BCAS4: variants seen among roughly 807,000 people sequenced by gnomAD.
BCAS4 encodes breast carcinoma-amplified sequence 4.
In BCAS4, 9 loss-of-function variants were observed where a neutral mutation model predicts 15.7. That is an observed-to-expected ratio of 0.57 (90% CI 0.34 to 1.00). BCAS4 has a LOEUF of 1.00. Ranked by LOEUF, BCAS4 falls within the 50% of genes least tolerant of loss-of-function variation. The pLI is 0.02. For missense variants in BCAS4, 225 were observed against 239.1 expected (o/e 0.94, Z 0.39); for synonymous variants, 101 against 99.5 (o/e 1.02, Z -0.09).
intron 1 of BCAS4, among the ~76,000 whole-genome samples, chr20:50,811,394 G>A (rs879352229): frequency 6.6e-6 from 1 of 152,090 alleles, no homozygotes; most frequent in Non-Finnish European, 1.5e-5. Flanking sequence ...TATAATTCAT[G>A]TATAAATGTA....
intron 4 of BCAS4, among the ~76,000 whole-genome samples, chr20:50,842,356 ATC>A (rs1234266007): frequency 6.6e-6 from 1 of 152,106 alleles, no homozygotes; most frequent in African/African-American, 2.4e-5. Context: ...TCTCTTCCTC[ATC>A]TCTCCTCTGT....
intron 4 of BCAS4, among the ~76,000 whole-genome samples, chr20:50,845,182 C>T (rs1481193868): frequency 2.0e-5 from 3 of 152,098 alleles, no homozygotes; most frequent in African/African-American, 7.2e-5. Context: ...CTTGCCCACC[C>T]AGAAAATGGT....
Position 50,876,650 on chromosome 20 carries a change from G to A in BCAS4, c.*42G>A, listed in dbSNP as rs1183022047. The A allele has an allele frequency of 1.3e-6, 2 of 1,595,076 alleles. No individual in the cohort carries two copies. The highest frequency in any genetic ancestry group is 2.7e-5 in the African/African-American group (2 of 73,976). ...ATCAGGAACGCTGGAAAGTGACATT[G>A]TGTACACACTGCAGCTTGGGGGTTT... On this transcript the variant is annotated 3_prime_UTR_variant, in exon 5 of 5. Transcript: ENST00000371608.
At chr20:50,877,231 CA>C (rs1399128207), downstream of BCAS4, 3 of 152,310 alleles carry the variant, frequency 2.0e-5, no homozygotes, top group African/African-American at 7.2e-5. Flanking sequence ...TTCACCTGTG[CA>C]GTGTTTTCTA....
At chr20:50,865,778 C>T (rs1015703385) in intron 4 of BCAS4, among the ~76,000 whole-genome samples, 5 of 152,152 alleles carry the variant, frequency 3.3e-5, no homozygotes, top group East Asian at 1.9e-4. Flanking sequence ...GGGAAGGGGC[C>T]GGTGCCCACA....
Position 50,795,153 on chromosome 20 carries a change from AC to A in BCAS4, c.75del (p.Glu26SerfsTer29). 3.4e-6 allele frequency: 5 copies of A among 1,462,062 alleles called. No homozygotes were observed. The highest frequency in any genetic ancestry group is 1.3e-5 in the South Asian group (1 of 75,946). The allele number at this position is 1,462,062 out of a possible 1,614,324, so 90.6% of individuals were successfully genotyped here. A position where few individuals can be genotyped will look rare whatever the true frequency, so the allele number is the denominator to read the frequency against. On this transcript the variant is annotated frameshift_variant, in exon 1 of 5. Coordinates refer to ENST00000371608, the MANE Select transcript of BCAS4 (RefSeq NM_198799.4). LOFTEE classifies it high-confidence loss of function. Reference protein sequence around the residue: ...SGARELALFLTPEPGAEAKEV... With the variant: ...SGARELALFLXPEPGAEAKEV... ...GGCGCGCGAGCTCGCGCTCTTCCTG[AC>A]CCCCGAGCCTGGGGCCGAGGTAGGG...
intron 2 of BCAS4, among the ~76,000 whole-genome samples, chr20:50,827,974 C>G (rs2088299263): frequency 6.6e-6 from 1 of 152,140 alleles, no homozygotes; most frequent in Non-Finnish European, 1.5e-5. Context: ...GTGATCTGCC[C>G]ACCTTGGCCT....
chr20:50,818,367 T>A (rs529702669), intron 2 of BCAS4, 85 bp downstream of exon 2: 1 of 1,391,990 alleles, frequency 7.2e-7, no homozygotes, highest in Non-Finnish European at 9.9e-7. Context: ...GCCATTTTGG[T>A]GGTGAGTTAG....
chr20:50,845,469 GTC>G (rs902344985), intron 4 of BCAS4, among the ~76,000 whole-genome samples: 9 of 152,090 alleles, frequency 5.9e-5, no homozygotes, highest in African/African-American at 2.2e-4. Flanking sequence ...TGACATTCCA[GTC>G]TCCACCAAGG....
intron 4 of BCAS4, among the ~76,000 whole-genome samples, chr20:50,844,143 G>T (rs1409514410): frequency 6.6e-6 from 1 of 151,494 alleles, no homozygotes; most frequent in Admixed American, 6.6e-5. Flanking sequence ...GTGAGGCCCT[G>T]TCTCACAAAA....
At chr20:50,861,471 T>G (rs182157994) in intron 4 of BCAS4, among the ~76,000 whole-genome samples, 1 of 152,354 alleles carries the variant, frequency 6.6e-6, no homozygotes, top group East Asian at 1.9e-4. Context: ...GTGCGGTGTT[T>G]CCCTGAAGGC....
intron 2 of BCAS4, among the ~76,000 whole-genome samples, chr20:50,826,096 G>A (rs865879024): frequency 1.3e-5 from 2 of 152,210 alleles, no homozygotes; most frequent in South Asian, 2.1e-4. Flanking sequence ...AGAAGGATAC[G>A]ATTCAAGTTT....
chr20:50,863,485 T>C (rs1234823659), intron 4 of BCAS4, among the ~76,000 whole-genome samples: 1 of 152,122 alleles, frequency 6.6e-6, no homozygotes, highest in East Asian at 1.9e-4. Flanking sequence ...CTTGAACTCC[T>C]GACCTCAAGC....
At chr20:50,875,023 A>G (rs907780869) in intron 4 of BCAS4, among the ~76,000 whole-genome samples, 4 of 152,166 alleles carry the variant, frequency 2.6e-5, no homozygotes, top group African/African-American at 9.6e-5. Context: ...AACCAGGAGC[A>G]GTAGCCCGGG....
At chr20:50,837,436 T>G (rs1198849958) in intron 3 of BCAS4, among the ~76,000 whole-genome samples, 2 of 152,206 alleles carry the variant, frequency 1.3e-5, no homozygotes, top group African/African-American at 2.4e-5. Context: ...GGGGAAAATG[T>G]GTTCAAATTC....
chr20:50,836,182 G>A (rs1294644359), intron 3 of BCAS4, among the ~76,000 whole-genome samples: 1 of 152,054 alleles, frequency 6.6e-6, no homozygotes, highest in African/African-American at 2.4e-5. Context: ...TCCCAAAGTG[G>A]TGGGATTACC....
intron 4 of BCAS4, among the ~76,000 whole-genome samples, chr20:50,847,810 A>G (rs1442119975): frequency 2.0e-5 from 3 of 152,142 alleles, no homozygotes; most frequent in Non-Finnish European, 4.4e-5. Context: ...TGGGAGGCCT[A>G]GGTGGGTGGG....
At chr20:50,807,296 G>A (rs182458896) in intron 1 of BCAS4, among the ~76,000 whole-genome samples, 16 of 152,048 alleles carry the variant, frequency 1.1e-4, no homozygotes, top group African/African-American at 2.9e-4. Context: ...TGGCTCAAGC[G>A]ATCCTCCCAC....
intron 1 of BCAS4, among the ~76,000 whole-genome samples, chr20:50,810,727 A>T (rs1003770319): frequency 1.3e-5 from 2 of 151,260 alleles, no homozygotes; most frequent in African/African-American, 2.4e-5. Context: ...AGTAGCTGGG[A>T]CTACAGCCGC....
Sources: gnomAD v4.1 joint callset for allele counts (sites outside exome capture counted in the v4.1 genomes callset) on GRCh38, gnomAD v4.1.1 for gene constraint, MANE v1.5 for transcripts, NCBI Gene and HGNC (gene_info 2026-07-23, HGNC 2026-07-21) for gene names.